Variants in DTHD1 observed in about 807,000 individuals in gnomAD.
DTHD1 encodes the protein death domain containing 1.
A neutral mutation model predicts 74.8 loss-of-function variants in DTHD1; 59 were observed. The observed-to-expected ratio is 0.79, with a 90% CI of 0.64 to 0.98. The LOEUF (loss-of-function observed/expected upper bound fraction) is 0.98, where lower values mean the gene tolerates loss of function less well. DTHD1 is among the 50% of genes least tolerant of loss of function. The pLI, the probability that DTHD1 is intolerant of heterozygous loss-of-function variation, is 0.00. For synonymous variants in DTHD1, 365 were observed against 371.1 expected (o/e 0.98, Z 0.19); for missense variants, 1,051 against 1,065.4 (o/e 0.99, Z 0.19).
At chr4:36,338,666 G>T (rs536461037) in intron 8 of DTHD1, among the ~76,000 whole-genome samples, 1 of 151,882 alleles carries the variant, frequency 6.6e-6, no homozygotes, top group Non-Finnish European at 1.5e-5. Flanking sequence ...GTTGATTTTC[G>T]AATAATATCT....
chr4:36,314,354 G>T (rs182885422), intron 7 of DTHD1, among the ~76,000 whole-genome samples: 1 of 151,930 alleles, frequency 6.6e-6, no homozygotes, highest in Non-Finnish European at 1.5e-5. Flanking sequence ...TACAATAACC[G>T]AAGGAAGTTT....
intron 2 of DTHD1, among the ~76,000 whole-genome samples, chr4:36,287,445 A>C (rs553630538): frequency 2.6e-5 from 4 of 152,258 alleles, no homozygotes; most frequent in Admixed American, 2.6e-4. Context: ...TGCTATAAAC[A>C]TGAGTATCCA....
chr4:36,301,411 T>G (rs1331424501), intron 5 of DTHD1, among the ~76,000 whole-genome samples: 1 of 152,062 alleles, frequency 6.6e-6, no homozygotes, highest in Non-Finnish European at 1.5e-5. Flanking sequence ...TCTTAGGATA[T>G]AAAACTCCAG....
intron 8 of DTHD1, 54 bp from the exon 9 acceptor site, chr4:36,339,058 T>C: frequency 7.0e-7 from 1 of 1,422,794 alleles, no homozygotes; most frequent in South Asian, 1.3e-5. Flanking sequence ...CGTTGTAGCT[T>C]ATTCACAAAT....
At chr4:36,299,203 C>T (rs1212544752) in intron 5 of DTHD1, among the ~76,000 whole-genome samples, 2 of 152,134 alleles carry the variant, frequency 1.3e-5, no homozygotes, top group African/African-American at 4.8e-5. Context: ...TTCTTCTTCT[C>T]TGGCAGCACT....
intron 1 of DTHD1, 131 bp from the exon 2 acceptor site, chr4:36,283,845 C>A: frequency 1.5e-6 from 1 of 669,542 alleles, no homozygotes; most frequent in Non-Finnish European, 2.5e-6. Flanking sequence ...AGGAGTTTGG[C>A]TTAAATGCAC....
chr4:36,331,055 G>A (rs1220319755), intron 8 of DTHD1, among the ~76,000 whole-genome samples: 4 of 151,960 alleles, frequency 2.6e-5, no homozygotes, highest in Admixed American at 1.3e-4. Flanking sequence ...TTATCCTAGA[G>A]CACTTATACA....
intron 5 of DTHD1, among the ~76,000 whole-genome samples, chr4:36,300,781 G>C (rs1274783764): frequency 6.6e-6 from 1 of 152,160 alleles, no homozygotes; most frequent in East Asian, 1.9e-4. Flanking sequence ...AATGAGTGCT[G>C]TATTGTCAAC....
In DTHD1 at chr4:36,293,676, T is replaced by G; in HGVS notation, c.1369T>G (p.Phe457Val). 3 of 1,538,308 alleles carry G rather than the reference T, an allele frequency of 2.0e-6. No homozygotes were observed. Among genetic ancestry groups the G allele is most frequent in the Non-Finnish European group, 2.6e-6 (3 of 1,138,264 alleles). ...ATCCTTAAATTACCCTCCAGGAGTT[T>G]TTACCTCTCCAGTGCTGGTGCAGTT... ...RISLNYPPGVFTSPVLVQLKI... is the reference protein window; with the variant it reads ...RISLNYPPGVVTSPVLVQLKI... The change falls in exon 4 of 10, where the codon TTT becomes GTT. Residue 457 changes from phenylalanine (F) to valine (V), a missense_variant. Coordinates refer to ENST00000639862, the MANE Select transcript of DTHD1 (RefSeq NM_001170700.3).
chr4:36,336,983 G>A (rs908117128), intron 8 of DTHD1, among the ~76,000 whole-genome samples: 1 of 152,088 alleles, frequency 6.6e-6, no homozygotes, highest in African/African-American at 2.4e-5. Context: ...GGAAATGAGA[G>A]CTGTTTCTGC....
rs1272100246 is a variant in DTHD1, at chr4:36,282,100, A to G, written c.271+71A>G. On this transcript the variant is annotated intron_variant, in intron 1 of 9. Coordinates refer to ENST00000639862, the MANE Select transcript of DTHD1 (RefSeq NM_001170700.3). ...ATTAGGGCAAGATCTGAGAGGGGCT[A>G]TGAGTATACCAGATAGGCTAAGATA... 6.9e-6 allele frequency: 9 copies of G among 1,312,132 alleles called. No individual in the cohort carries two copies. In the South Asian group the frequency reaches 1.0e-4, roughly 15 times the overall value. 81.3% of individuals were successfully genotyped at this position (1,312,132 alleles called of 1,614,324 possible).
chr4:36,331,164 G>C (rs892190632), intron 8 of DTHD1, among the ~76,000 whole-genome samples: 5 of 151,858 alleles, frequency 3.3e-5, no homozygotes, highest in African/African-American at 1.2e-4. Flanking sequence ...AGGTAAAAGT[G>C]ATAAGATTAT....
intron 5 of DTHD1, among the ~76,000 whole-genome samples, chr4:36,302,847 A>G (rs1031220602): frequency 6.6e-6 from 1 of 152,202 alleles, no homozygotes; most frequent in Admixed American, 6.5e-5. Context: ...ACTAAATTAT[A>G]CTTTTCTGAG....
At chr4:36,292,382 C>T (rs941175758) in intron 3 of DTHD1, among the ~76,000 whole-genome samples, 2 of 152,082 alleles carry the variant, frequency 1.3e-5, no homozygotes, top group Non-Finnish European at 2.9e-5. Context: ...CAAATACAGG[C>T]GTGAATTTTT....
chr4:36,291,186 C>T (rs528342004), intron 3 of DTHD1, among the ~76,000 whole-genome samples: 5 of 152,288 alleles, frequency 3.3e-5, no homozygotes, highest in South Asian at 2.1e-4. Context: ...ATTTAGTCTA[C>T]ACATGGGAGA....
At position 36,307,231 on chromosome 4, in the gene DTHD1, G is replaced by C. The variant is rs375425662; in HGVS notation, c.1805+879G>C. Among the ~76,000 whole-genome samples, 8 of 152,192 alleles carry C rather than the reference G, an allele frequency of 5.3e-5. 1 individual carries two copies. In the East Asian group the frequency reaches 7.7e-4, roughly 15 times the overall value. On this transcript the variant is annotated intron_variant, in intron 6 of 9. Transcript: ENST00000639862. ...CTCTAACAATGTACCACATACTGGT[G>C]GCTTAAACAACAGAAACTTATTGTT...
At chr4:36,333,285 G>T (rs761135297) in intron 8 of DTHD1, among the ~76,000 whole-genome samples, 1 of 151,848 alleles carries the variant, frequency 6.6e-6, no homozygotes, top group African/African-American at 2.4e-5. Flanking sequence ...AGTCATTGGG[G>T]CCAGCAAGTG....
chr4:36,300,473 G>A (rs940104775), intron 5 of DTHD1, among the ~76,000 whole-genome samples: 3 of 152,130 alleles, frequency 2.0e-5, no homozygotes, highest in African/African-American at 7.2e-5. Flanking sequence ...TTCCTGCCTG[G>A]TTGCTCCCTT....
At chr4:36,291,825 T>C (rs138939219) in intron 3 of DTHD1, among the ~76,000 whole-genome samples, 48 of 152,304 alleles carry the variant, frequency 3.2e-4, no homozygotes, top group Non-Finnish European at 6.0e-4. Context: ...TGAAACTCTG[T>C]CTCAAAACAA....
Sources: allele counts gnomAD v4.1 joint callset (sites outside exome capture counted in the v4.1 genomes callset), GRCh38; gene constraint gnomAD v4.1.1; transcripts MANE v1.5; gene names NCBI Gene and HGNC (gene_info 2026-07-23, HGNC 2026-07-21).